Variants in TNFAIP8L1 observed in about 807,000 individuals in gnomAD.
TNFAIP8L1 encodes TNF alpha induced protein 8 like 1, also known as tumor necrosis factor alpha-induced protein 8-like protein 1.
For missense variants in TNFAIP8L1, 225 were observed against 266.1 expected (o/e 0.85, Z 1.08); for synonymous variants, 127 against 125.6 (o/e 1.01, Z -0.08).
intron 1 of TNFAIP8L1, among the ~76,000 whole-genome samples, chr19:4,646,721 C>T (rs1209504314): frequency 1.3e-5 from 2 of 151,886 alleles, no homozygotes; most frequent in African/African-American, 4.8e-5. Flanking sequence ...AGCTCCGCCT[C>T]CCGGGTTCAC....
intron 1 of TNFAIP8L1, among the ~76,000 whole-genome samples, chr19:4,647,367 A>G (rs183273218): frequency 2.5e-4 from 37 of 150,370 alleles, no homozygotes; most frequent in African/African-American, 8.6e-4. Flanking sequence ...CAGGCTGGAG[A>G]CCTCGGCTCA....
rs2088403293 is a variant in TNFAIP8L1, at chr19:4,654,359, T to A, written c.*1929T>A. The A allele has an allele frequency of 6.6e-6, 1 of 152,176 alleles. No homozygotes were observed. Among genetic ancestry groups the A allele is most frequent in the African/African-American group, 2.4e-5 (1 of 41,430 alleles). 9.4% of individuals were successfully genotyped at this position (152,176 alleles called of 1,614,324 possible). On this transcript the variant is annotated 3_prime_UTR_variant, in exon 2 of 2. Transcript: ENST00000327473. ...TGTGCACATTTTATTTATTTATTGT[T>A]TTGAGACAAAGTCTCGCTGTGTCAC...
chr19:4,652,608 T>C lies in TNFAIP8L1; in HGVS notation c.*178T>C. Reference sequence around the variant, plus strand: ...GATGCTGAGGCATCTGTAGCAGCTGTTTCAAACACCAATGTCACCTCTCCT... The same window carrying C: ...GATGCTGAGGCATCTGTAGCAGCTGCTTCAAACACCAATGTCACCTCTCCT... On this transcript the variant is annotated 3_prime_UTR_variant, in exon 2 of 2. Transcript: ENST00000327473. The C allele has an allele frequency of 1.6e-6, 1 of 614,604 alleles. No individual in the cohort carries two copies. Among genetic ancestry groups the C allele is most frequent in the Non-Finnish European group, 2.7e-6 (1 of 369,636 alleles). 38.1% of individuals were successfully genotyped at this position (614,604 alleles called of 1,614,324 possible). A position where few individuals can be genotyped will look rare whatever the true frequency, so the allele number is the denominator to read the frequency against.
At chr19:4,647,764 A>C (rs2088325970) in intron 1 of TNFAIP8L1, among the ~76,000 whole-genome samples, 2 of 151,606 alleles carry the variant, frequency 1.3e-5, no homozygotes, top group African/African-American at 4.9e-5. Context: ...CTGGGACCAC[A>C]GACCCGTGCC....
At chr19:4,649,389 A>G (rs2088341371) in intron 1 of TNFAIP8L1, among the ~76,000 whole-genome samples, 1 of 151,984 alleles carries the variant, frequency 6.6e-6, no homozygotes, top group South Asian at 2.1e-4. Flanking sequence ...TTTGGTCACA[A>G]GCTTCTGCCC....
chr19:4,652,610 T>G lies in TNFAIP8L1; in HGVS notation c.*180T>G. ...TGCTGAGGCATCTGTAGCAGCTGTT[T>G]CAAACACCAATGTCACCTCTCCTCC... On this transcript the variant is annotated 3_prime_UTR_variant, in exon 2 of 2. Transcript: ENST00000327473. 1 of 610,442 alleles carries G rather than the reference T, an allele frequency of 1.6e-6. No homozygotes were observed. Among genetic ancestry groups the G allele is most frequent in the South Asian group, 2.8e-5 (1 of 35,636 alleles). The allele number at this position is 610,442 out of a possible 1,614,324, so 37.8% of individuals were successfully genotyped here. A position where few individuals can be genotyped will look rare whatever the true frequency, so the allele number is the denominator to read the frequency against.
Position 4,639,597 on chromosome 19 carries a change from C to A in TNFAIP8L1, c.-36C>A, listed in dbSNP as rs1473769995. On this transcript the variant is annotated 5_prime_UTR_variant, in exon 1 of 2. Coordinates refer to ENST00000327473, the MANE Select transcript of TNFAIP8L1 (RefSeq NM_152362.3). ...CGGAGGCGGCTGGACGGACCCCCGA[C>A]GGTTGGACGTACGGACTCTGCTTCG... is the stretch of plus-strand genomic sequence containing the variant. The A allele has an allele frequency of 6.5e-6, 1 of 152,726 alleles. No individual in the cohort carries two copies. The highest frequency in any genetic ancestry group is 1.9e-4 in the East Asian group (1 of 5,174). 9.5% of individuals were successfully genotyped at this position (152,726 alleles called of 1,614,324 possible). A position where few individuals can be genotyped will look rare whatever the true frequency, so the allele number is the denominator to read the frequency against.
At chr19:4,642,500 T>A (rs905786318) in intron 1 of TNFAIP8L1, 4 of 145,994 alleles carry the variant, frequency 2.7e-5, no homozygotes, top group East Asian at 3.9e-4. Flanking sequence ...AAAAAAAAAT[T>A]AAAAATATAC....
chr19:4,650,981 C>T (rs2088358328), intron 1 of TNFAIP8L1, among the ~76,000 whole-genome samples: 1 of 141,300 alleles, frequency 7.1e-6, no homozygotes, highest in Non-Finnish European at 1.5e-5. Context: ...GAGATTCCAT[C>T]TCAAAAAATA....
At chr19:4,649,149 C>T (rs1267683431) in intron 1 of TNFAIP8L1, among the ~76,000 whole-genome samples, 3 of 151,646 alleles carry the variant, frequency 2.0e-5, no homozygotes, top group South Asian at 2.1e-4. Context: ...AGGCTGGACT[C>T]GAACTCCTGA....
At chr19:4,650,758 T>C (rs1240003067) in intron 1 of TNFAIP8L1, among the ~76,000 whole-genome samples, 1 of 152,114 alleles carries the variant, frequency 6.6e-6, no homozygotes, top group African/African-American at 2.4e-5. Context: ...ACCCCACAAA[T>C]GGCCCCCTGT....
chr19:4,641,270 C>A lies in TNFAIP8L1; in HGVS notation c.-4+1641C>A, dbSNP rs2088258614. The A allele has an allele frequency of 6.6e-6, 1 of 152,212 alleles. No homozygotes were observed. Among genetic ancestry groups the A allele is most frequent in the South Asian group, 2.1e-4 (1 of 4,836 alleles). The allele number at this position is 152,212 out of a possible 1,614,324, so 9.4% of individuals were successfully genotyped here. On this transcript the variant is annotated intron_variant, in intron 1 of 1. Transcript: ENST00000327473. This position sits in a 1 kb window ranked among gnomAD's most constrained non-coding sequence, Gnocchi z 4.6. ...GTTCCGGAGGCCTCAGTGTCCCTGT[C>A]TGTCCAATGGGGCCACGAAAGGGTG... is the stretch of plus-strand genomic sequence containing the variant.
In TNFAIP8L1 at chr19:4,653,057, G is replaced by A. The variant is rs527820341; in HGVS notation, c.*627G>A. 281 of 167,256 alleles carry A rather than the reference G, an allele frequency of 1.7e-3. No homozygotes were observed. The highest frequency in any genetic ancestry group is 3.2e-3 in the Non-Finnish European group (220 of 68,220). The allele number at this position is 167,256 out of a possible 1,614,324, so 10.4% of individuals were successfully genotyped here. Reference sequence around the variant, plus strand: ...GCGGTGGCTCACGCCTGTAATCCCAGCACTTTGAGAGGCTGAGGCGGGCGG... The same window carrying A: ...GCGGTGGCTCACGCCTGTAATCCCAACACTTTGAGAGGCTGAGGCGGGCGG... On this transcript the variant is annotated 3_prime_UTR_variant, in exon 2 of 2. Transcript: ENST00000327473.
intron 1 of TNFAIP8L1, among the ~76,000 whole-genome samples, chr19:4,642,973 T>TG (rs1046739348): frequency 1.6e-4 from 24 of 151,512 alleles, no homozygotes; most frequent in Admixed American, 3.3e-4. Flanking sequence ...ATGGAGGCTG[T>TG]GGGGGAGATA....
chr19:4,652,127 G>A lies in TNFAIP8L1; in HGVS notation c.258G>A (p.Leu86=), dbSNP rs971889598. 2.7e-5 allele frequency: 43 copies of A among 1,578,970 alleles called. No individual in the cohort carries two copies. The highest frequency in any genetic ancestry group is 3.6e-5 in the Non-Finnish European group (42 of 1,163,148). The change falls in exon 2 of 2, where the codon CTG becomes CTA. Residue 86 remains leucine (L), a synonymous_variant. Transcript: ENST00000327473. The stretch of plus-strand genomic sequence containing the variant: ...AGCTGGGCGGTGAGGAGCTGGCGCT[G>A]CTGCGGCGCTTCCGCCACCGGGCGC... ...GDQLGGEELA[L]LRRFRHRARC... is the part of the protein sequence containing the mutation.
At position 4,648,235 on chromosome 19, in the gene TNFAIP8L1, C is replaced by T. The variant is rs563351937; in HGVS notation, c.-3-3632C>T. Reference sequence around the variant, plus strand: ...TGTAGCAGGCTGTGTGTGTTTGTGACGATGGCAGGGTGCCCTGGCATTTGG... The same window carrying T: ...TGTAGCAGGCTGTGTGTGTTTGTGATGATGGCAGGGTGCCCTGGCATTTGG... On this transcript the variant is annotated intron_variant, in intron 1 of 1. Transcript: ENST00000327473. Among the ~76,000 whole-genome samples the T allele has an allele frequency of 5.9e-5, 9 of 152,360 alleles. 1 individual carries two copies. The East Asian group carries it at 7.7e-4, about 13-fold the overall frequency.
At chr19:4,648,606 G>A (rs549164255) in intron 1 of TNFAIP8L1, among the ~76,000 whole-genome samples, 6 of 152,338 alleles carry the variant, frequency 3.9e-5, no homozygotes, top group Middle Eastern at 3.4e-3. Context: ...TGCAGGGGGC[G>A]GGGGTTGCTC....
In TNFAIP8L1 at chr19:4,645,004, C is replaced by G. The variant is rs895011307; in HGVS notation, c.-4+5375C>G. Among the ~76,000 whole-genome samples the G allele has an allele frequency of 1.3e-5, 2 of 152,290 alleles. No homozygotes were observed. Among genetic ancestry groups the G allele is most frequent in the African/African-American group, 2.4e-5 (1 of 41,582 alleles). Reference sequence around the variant, plus strand: ...CGGCGGGAAGAGGCCTGAGGCCCCCCCTGGGCCCCCGGACTGAGTGCAGCC... The same window carrying G: ...CGGCGGGAAGAGGCCTGAGGCCCCCGCTGGGCCCCCGGACTGAGTGCAGCC... On this transcript the variant is annotated intron_variant, in intron 1 of 1. Transcript: ENST00000327473. The surrounding 1 kb of genome is among the most constrained non-coding windows in gnomAD (Gnocchi z 4.1).
intron 1 of TNFAIP8L1, among the ~76,000 whole-genome samples, chr19:4,644,038 T>C (rs1330833890): frequency 1.3e-5 from 2 of 151,602 alleles, no homozygotes; most frequent in African/African-American, 4.9e-5. Flanking sequence ...CTGACCAACA[T>C]GGAGAAAACC....
Sources: gnomAD v4.1 joint callset for allele counts (sites outside exome capture counted in the v4.1 genomes callset) on GRCh38, gnomAD v4.1.1 for gene constraint, Gnocchi (gnomAD v3.1) non-coding constraint, MANE v1.5 for transcripts, NCBI Gene and HGNC (gene_info 2026-07-23, HGNC 2026-07-21) for gene names.